The following NFIA variants were observed in gnomAD, a reference collection of about 807,000 sequenced individuals.
NFIA encodes the protein nuclear factor I A.
A neutral mutation model predicts 62.8 loss-of-function variants in NFIA; 8 were observed. That is an observed-to-expected ratio of 0.13 (90% confidence interval 0.07 to 0.23). The LOEUF is 0.23. Ranked by LOEUF, NFIA falls within the 10% of genes least tolerant of loss-of-function variation. The pLI is 1.00. For synonymous variants in NFIA, 235 were observed against 238.1 expected (o/e 0.99, Z 0.12); for missense variants, 410 against 642.1 (o/e 0.64, Z 3.91).
At chr1:61,324,665 C>A (rs995952787) in intron 3 of NFIA, among the ~76,000 whole-genome samples, 1 of 152,174 alleles carries the variant, frequency 6.6e-6, no homozygotes, top group Non-Finnish European at 1.5e-5. Flanking sequence ...TTCAAGGTTA[C>A]CTGTCTCTCT....
intron 3 of NFIA, among the ~76,000 whole-genome samples, chr1:61,310,699 C>T (rs1557698402): frequency 6.6e-6 from 1 of 151,762 alleles, no homozygotes; most frequent in East Asian, 1.9e-4. Context: ...TGCCTTCTTT[C>T]TTTTCTCTTT....
intron 9 of NFIA, 63 bp from the exon 10 acceptor site, chr1:61,426,402 G>T: frequency 9.4e-7 from 1 of 1,068,572 alleles, no homozygotes. Context: ...TGTGTGTTTT[G>T]GTGTTGTTTG....
chr1:61,153,231 T>A (rs1648547799), intron 2 of NFIA, among the ~76,000 whole-genome samples: 1 of 152,238 alleles, frequency 6.6e-6, no homozygotes, highest in Non-Finnish European at 1.5e-5. Flanking sequence ...TAGTTTGCCA[T>A]AATCCCCACT....
chr1:61,220,724 A>G (rs891379450), intron 2 of NFIA, among the ~76,000 whole-genome samples: 1 of 152,214 alleles, frequency 6.6e-6, no homozygotes, highest in Non-Finnish European at 1.5e-5. Context: ...CCTAAATAGA[A>G]TGTGGTTTGC....
At chr1:61,219,422 T>C (rs563984815) in intron 2 of NFIA, among the ~76,000 whole-genome samples, 7 of 151,944 alleles carry the variant, frequency 4.6e-5, no homozygotes, top group African/African-American at 1.7e-4. Flanking sequence ...ATTTAAATAA[T>C]AGAACAAAGA....
At chr1:61,388,644 G>A (rs543881420) in intron 7 of NFIA, among the ~76,000 whole-genome samples, 1 of 152,256 alleles carries the variant, frequency 6.6e-6, no homozygotes, top group South Asian at 2.1e-4. Flanking sequence ...ACAGAGAGCA[G>A]CCTACACGAT....
rs1664512745 is a variant in NFIA, at chr1:61,383,283, C to T, written c.993C>T (p.Phe331=). The T allele has an allele frequency of 3.7e-6, 6 of 1,614,052 alleles. 1 individual carries two copies. In the East Asian group the frequency reaches 1.3e-4, roughly 36 times the overall value. ...TGAAGAAGTCGGAGAAGTCTGGTTT[C>T]AGCAGCCCCTCCCCTTCACAGACCT... The part of the protein sequence containing the change: ...TTLKKSEKSG[F]SSPSPSQTSS... The change falls in exon 7 of 11, where the codon TTC becomes TTT. Residue 331 remains phenylalanine (F), a synonymous_variant. Transcript: ENST00000403491.
At chr1:61,407,263 C>A (rs1284729757) in intron 9 of NFIA, among the ~76,000 whole-genome samples, 1 of 152,002 alleles carries the variant, frequency 6.6e-6, no homozygotes, top group African/African-American at 2.4e-5. Flanking sequence ...CCCTGGCAGT[C>A]GCATGGTGAG....
intron 2 of NFIA, among the ~76,000 whole-genome samples, chr1:61,219,427 C>A (rs1482935469): frequency 3.3e-5 from 5 of 151,810 alleles, no homozygotes; most frequent in Non-Finnish European, 5.9e-5. Context: ...AATAATAGAA[C>A]AAAGAAGCCG....
intron 2 of NFIA, among the ~76,000 whole-genome samples, chr1:61,141,535 T>G (rs2100506718): frequency 6.6e-6 from 1 of 152,328 alleles, no homozygotes; most frequent in East Asian, 1.9e-4. Context: ...AACTTGATAA[T>G]TTCTAAAGAG....
chr1:61,386,564 C>T (rs112086233), intron 7 of NFIA, among the ~76,000 whole-genome samples: 1 of 152,160 alleles, frequency 6.6e-6, no homozygotes, highest in Non-Finnish European at 1.5e-5. Context: ...CTGTCCAACA[C>T]ACATCCACGC....
At chr1:61,160,567 A>G (rs1285822784) in intron 2 of NFIA, among the ~76,000 whole-genome samples, 3 of 152,194 alleles carry the variant, frequency 2.0e-5, no homozygotes, top group Non-Finnish European at 4.4e-5. Context: ...CTGTGATTGT[A>G]TTGCATTGAG....
intron 2 of NFIA, among the ~76,000 whole-genome samples, chr1:61,175,295 C>CCACACCCA (rs1482153580): frequency 3.9e-5 from 6 of 152,098 alleles, no homozygotes; most frequent in African/African-American, 1.4e-4. Context: ...GCTCGCACCA[C>CCACACCCA]CACACCCATC....
At chr1:61,343,926 T>C (rs1662068685) in intron 4 of NFIA, among the ~76,000 whole-genome samples, 1 of 152,246 alleles carries the variant, frequency 6.6e-6, no homozygotes, top group South Asian at 2.1e-4. Flanking sequence ...TGTTACCTCT[T>C]ATACAAATTA....
At chr1:61,121,798 T>G (rs1646891470) in intron 2 of NFIA, among the ~76,000 whole-genome samples, 1 of 152,188 alleles carries the variant, frequency 6.6e-6, no homozygotes, top group Non-Finnish European at 1.5e-5. Context: ...ACCCTGGTGG[T>G]GATAGCATGA....
intron 6 of NFIA, among the ~76,000 whole-genome samples, chr1:61,377,055 A>G (rs1283898048): frequency 9.0e-5 from 13 of 144,668 alleles, no homozygotes. Context: ...TGTATCTACT[A>G]AAAAAAAAAA....
chr1:61,268,469 G>A (rs1657311786), intron 2 of NFIA, among the ~76,000 whole-genome samples: 1 of 151,282 alleles, frequency 6.6e-6, no homozygotes, highest in South Asian at 2.1e-4. Flanking sequence ...TCACCAGGAA[G>A]GGATATGTCA....
chr1:61,249,336 C>A (rs1019529487), intron 2 of NFIA, among the ~76,000 whole-genome samples: 1 of 152,030 alleles, frequency 6.6e-6, no homozygotes, highest in Non-Finnish European at 1.5e-5. Context: ...ACTTTACTAA[C>A]CAGATGTTAT....
intron 2 of NFIA, among the ~76,000 whole-genome samples, chr1:61,152,413 T>C (rs908430953): frequency 7.9e-5 from 12 of 152,188 alleles, no homozygotes; most frequent in African/African-American, 2.9e-4. Flanking sequence ...TGTGTAAAAC[T>C]TTACCTCATT....
Sources: allele counts gnomAD v4.1 joint callset (sites outside exome capture counted in the v4.1 genomes callset), GRCh38; gene constraint gnomAD v4.1.1; transcripts MANE v1.5; gene names NCBI Gene and HGNC (gene_info 2026-07-23, HGNC 2026-07-21).